SAMD3: variants seen among roughly 807,000 people sequenced by gnomAD.
SAMD3 encodes sterile alpha motif domain containing 3.
Under a neutral mutation model 58.5 loss-of-function variants are expected in SAMD3, and 63 were observed. The observed-to-expected ratio is 1.08, with a 90% CI of 0.88 to 1.33. The LOEUF is 1.33. Among genes scored for constraint, SAMD3 ranks in the 40% most tolerant of loss-of-function variants. The pLI, the probability that SAMD3 is intolerant of heterozygous loss-of-function variation, is 0.00. For missense variants in SAMD3, 604 were observed against 608.4 expected, an observed-to-expected ratio of 0.99 and a Z score of 0.08; for synonymous variants, 220 against 210.3, an observed-to-expected ratio of 1.05 and a Z score of -0.40.
upstream of SAMD3, among the ~76,000 whole-genome samples, chr6:130,224,604 A>G (rs1323182113): frequency 1.2e-5 from 1 of 81,030 alleles, no homozygotes; most frequent in Non-Finnish European, 2.1e-5. Flanking sequence ...TATTATTATT[A>G]TTATTATTAT....
At chr6:130,258,985 T>C (rs949531004) in intron 2 of SAMD3, among the ~76,000 whole-genome samples, 1 of 151,954 alleles carries the variant, frequency 6.6e-6, no homozygotes, top group Admixed American at 6.6e-5. Flanking sequence ...ACTTTTACAG[T>C]GGAAACAAAG....
intron 7 of SAMD3, among the ~76,000 whole-genome samples, chr6:130,180,953 C>CTTTTTCTTTT (rs1554257135): frequency 1.7e-5 from 2 of 117,362 alleles, no homozygotes; most frequent in Admixed American, 9.1e-5. Context: ...TTCTTTCTTT[C>CTTTTTCTTTT]TTTTTTCTTT....
upstream of SAMD3, among the ~76,000 whole-genome samples, chr6:130,226,912 A>G (rs1191492370): frequency 1.3e-5 from 2 of 152,254 alleles, no homozygotes; most frequent in Non-Finnish European, 2.9e-5. Flanking sequence ...AGGATGTACA[A>G]TAAATACAGT....
At chr6:130,170,921 A>AATACTCTTT (rs1791190752) in intron 8 of SAMD3, among the ~76,000 whole-genome samples, 2 of 152,166 alleles carry the variant, frequency 1.3e-5, no homozygotes, top group Non-Finnish European at 2.9e-5. Context: ...ATCCTATTTG[A>AATACTCTTT]ATACTCTTTA....
chr6:130,314,220 C>G (rs963862420), intron 1 of SAMD3, among the ~76,000 whole-genome samples: 1 of 152,124 alleles, frequency 6.6e-6, no homozygotes, highest in Non-Finnish European at 1.5e-5. Context: ...TTTCATGTTT[C>G]TTTTGTTCTG....
rs542793291 is a variant in SAMD3, at chr6:130,152,695, T to A, written c.1023+2130A>T. Among the ~76,000 whole-genome samples the A allele has an allele frequency of 4.3e-4, 63 of 148,120 alleles. 1 individual carries two copies. In the South Asian group the frequency reaches 7.5e-3, roughly 18 times the overall value. On this transcript the variant is annotated intron_variant, in intron 9 of 11. Transcript: ENST00000439090. ...CTGTCTCAATAAATAAATAAATAAA[T>A]AAATAAAACAATCAACAGGCAACTC...
At chr6:130,250,591 C>T (rs1773705385) in intron 2 of SAMD3, among the ~76,000 whole-genome samples, 1 of 152,206 alleles carries the variant, frequency 6.6e-6, no homozygotes, top group South Asian at 2.1e-4. Flanking sequence ...ATTCCACCCT[C>T]ACCCATTGTT....
intron 5 of SAMD3, among the ~76,000 whole-genome samples, chr6:130,206,386 C>T (rs1795081460): frequency 6.6e-6 from 1 of 152,092 alleles, no homozygotes; most frequent in African/African-American, 2.4e-5. Flanking sequence ...GGAAATGAGG[C>T]CAACTAGACA....
chr6:130,314,880 G>C (rs1299974111), intron 1 of SAMD3, among the ~76,000 whole-genome samples: 1 of 152,134 alleles, frequency 6.6e-6, no homozygotes, highest in Non-Finnish European at 1.5e-5. Context: ...TTTGAAAAAT[G>C]CCCTCCAGCT....
chr6:130,178,839 G>A (rs1366673212), intron 7 of SAMD3, among the ~76,000 whole-genome samples: 1 of 152,162 alleles, frequency 6.6e-6, no homozygotes. Context: ...GAAAGGCAGT[G>A]GTTGAGGGTT....
chr6:130,261,944 A>T (rs1774155220), intron 2 of SAMD3, among the ~76,000 whole-genome samples: 1 of 151,864 alleles, frequency 6.6e-6, no homozygotes, highest in Admixed American at 6.6e-5. Flanking sequence ...GCAGAGAGAG[A>T]CAGAGAGAGA....
intron 1 of SAMD3, among the ~76,000 whole-genome samples, chr6:130,219,327 TTA>T (rs1253373139): frequency 3.7e-5 from 5 of 135,718 alleles, no homozygotes; most frequent in Admixed American, 3.2e-4. Context: ...TTACAGGGAT[TTA>T]TTTTTTTTTA....
At chr6:130,149,681 G>C (rs1283047726) in intron 9 of SAMD3, among the ~76,000 whole-genome samples, 2 of 152,166 alleles carry the variant, frequency 1.3e-5, no homozygotes, top group African/African-American at 4.8e-5. Context: ...TGGACACAAA[G>C]AAGGGAACAA....
At chr6:130,350,478 T>A (rs1214967882) in intron 1 of SAMD3, among the ~76,000 whole-genome samples, 1 of 151,984 alleles carries the variant, frequency 6.6e-6, no homozygotes, top group Non-Finnish European at 1.5e-5. Context: ...CACAATTGCT[T>A]CAAAGAGAAT....
intron 5 of SAMD3, among the ~76,000 whole-genome samples, chr6:130,188,942 T>C (rs956309305): frequency 6.6e-6 from 1 of 152,162 alleles, no homozygotes; most frequent in Admixed American, 6.5e-5. Flanking sequence ...AGAGAACTCA[T>C]CCAGCCCCAT....
chr6:130,339,112 T>C (rs938840906), intron 1 of SAMD3, among the ~76,000 whole-genome samples: 1 of 152,114 alleles, frequency 6.6e-6, no homozygotes, highest in Non-Finnish European at 1.5e-5. Context: ...AGCAGCACAA[T>C]CTCAGCTCAC....
chr6:130,247,066 T>C (rs1034467030), intron 2 of SAMD3, among the ~76,000 whole-genome samples: 5 of 152,166 alleles, frequency 3.3e-5, no homozygotes, highest in African/African-American at 1.2e-4. Flanking sequence ...ACTGATTTCC[T>C]GTCTAGAGCA....
In SAMD3 at chr6:130,155,044, A is replaced by G. The variant is rs770391277; in HGVS notation, c.823-19T>C. 2.6e-5 allele frequency: 42 copies of G among 1,592,442 alleles called. No individual in the cohort carries two copies. The highest frequency in any genetic ancestry group is 3.4e-5 in the Non-Finnish European group (40 of 1,161,922). On this transcript the variant is annotated intron_variant, in intron 8 of 11. Transcript: ENST00000439090. ...CTTCTTCCTGCAAAACATTTTCAACATATCAATGGATTCCATGTTTCTATA... is the reference window on the plus strand; with the variant it reads ...CTTCTTCCTGCAAAACATTTTCAACGTATCAATGGATTCCATGTTTCTATA...
At chr6:130,188,682 C>T (rs1158475910) in intron 5 of SAMD3, among the ~76,000 whole-genome samples, 1 of 152,146 alleles carries the variant, frequency 6.6e-6, no homozygotes, top group Non-Finnish European at 1.5e-5. Context: ...TCCTGATTGA[C>T]AAATTCAGGG....
Sources: gnomAD v4.1 joint callset for allele counts (sites outside exome capture counted in the v4.1 genomes callset) on GRCh38, gnomAD v4.1.1 for gene constraint, MANE v1.5 for transcripts, NCBI Gene and HGNC (gene_info 2026-07-23, HGNC 2026-07-21) for gene names.